The following KIAA1549 variants were observed in gnomAD, a reference collection of about 807,000 sequenced individuals.
The protein encoded by KIAA1549 is KIAA1549, also known as UPF0606 protein KIAA1549.
A neutral mutation model predicts 156.4 loss-of-function variants in KIAA1549; 70 were observed. The observed-to-expected ratio is 0.45, with a 90% CI of 0.37 to 0.55. The LOEUF is 0.55. Among genes scored for constraint, KIAA1549 ranks in the 20% least tolerant of loss-of-function variants. The pLI, the probability that KIAA1549 is intolerant of heterozygous loss-of-function variation, is 0.00. For synonymous variants in KIAA1549, 1,103 were observed against 1,066.4 expected (o/e 1.03, Z -0.67); for missense variants, 2,428 against 2,540.9 (o/e 0.96, Z 0.96).
intron 16 of KIAA1549, among the ~76,000 whole-genome samples, chr7:138,856,589 T>C (rs1342527658): frequency 6.6e-6 from 1 of 152,198 alleles, no homozygotes; most frequent in African/African-American, 2.4e-5. Flanking sequence ...TACCTAATTA[T>C]GTCTCCACCT....
intron 15 of KIAA1549, among the ~76,000 whole-genome samples, chr7:138,867,382 C>G (rs1334244145): frequency 6.6e-6 from 1 of 151,868 alleles, no homozygotes; most frequent in African/African-American, 2.4e-5. Flanking sequence ...TGCTGAGACC[C>G]CATCTCTACA....
At position 138,918,487 on chromosome 7, in the gene KIAA1549, T is replaced by C; in HGVS notation, c.1139A>G (p.Asn380Ser). 6.2e-7 allele frequency: 1 copy of C among 1,613,956 alleles called. No homozygotes were observed. The highest frequency in any genetic ancestry group is 1.3e-5 in the African/African-American group (1 of 75,044). ...GCTGGAGTCGCTAGGGAGAAAGGGGTTAGATGAAACATCAGTTGGTGAAGC... is the reference window on the plus strand; with the variant it reads ...GCTGGAGTCGCTAGGGAGAAAGGGGCTAGATGAAACATCAGTTGGTGAAGC... ...SSASPTDVSS[N>S]PFLPSDSSKT... The change falls in exon 2 of 20, where the codon AAC becomes AGC. Residue 380 changes from asparagine (N) to serine (S), a missense_variant. Physicochemically the swap from Asn to Ser is conservative, Grantham distance 46. Coordinates refer to ENST00000422774, the MANE Select transcript of KIAA1549 (RefSeq NM_001164665.2). The surrounding 1 kb of genome is among the most constrained non-coding windows in gnomAD (Gnocchi z 4.2).
At chr7:138,901,803 C>T (rs1412222694) in intron 8 of KIAA1549, among the ~76,000 whole-genome samples, 5 of 152,198 alleles carry the variant, frequency 3.3e-5, no homozygotes, top group Non-Finnish European at 7.3e-5. Flanking sequence ...TAACACTGTA[C>T]ACAAATCCTT....
At position 138,861,231 on chromosome 7, in the gene KIAA1549, G is replaced by A; in HGVS notation, c.5155C>T (p.Pro1719Ser). 6.2e-7 allele frequency: 1 copy of A among 1,613,154 alleles called. No individual in the cohort carries two copies. Among genetic ancestry groups the A allele is most frequent in the Non-Finnish European group, 8.5e-7 (1 of 1,179,742 alleles). The change falls in exon 16 of 20, where the codon CCC becomes TCC. Residue 1719 changes from proline (P) to serine (S), a missense_variant. By Grantham distance (74) the Pro-to-Ser change is moderately conservative. Transcript: ENST00000422774. ...GVGPGVPPGL[P>S]ANSTPSQEER... ...TCCTGGGAAGGGGTGCTGTTTGCGG[G>A]CAGGCCGGGTGGGACTCCGGGGCCT...
chr7:138,887,776 A>G (rs1811439673), intron 10 of KIAA1549, among the ~76,000 whole-genome samples: 1 of 152,232 alleles, frequency 6.6e-6, no homozygotes, highest in African/African-American at 2.4e-5. Flanking sequence ...CTCTTAAAGA[A>G]CTGAGAGAGA....
rs35756099 is a variant in KIAA1549 at position 138,872,360 on chromosome 7, G to GAA, written c.4346-1000_4346-999dup. Among the ~76,000 whole-genome samples the GAA allele has an allele frequency of 5.4e-4, 56 of 104,106 alleles. 1 individual carries two copies. The highest frequency in any genetic ancestry group is 1.1e-3 in the African/African-American group (34 of 30,050). 68.3% of individuals were successfully genotyped at this position (104,106 alleles called of 152,430 possible). A position where few individuals can be genotyped will look rare whatever the true frequency, so the allele number is the denominator to read the frequency against. On this transcript the variant is annotated intron_variant, in intron 12 of 19. Transcript: ENST00000422774. The stretch of plus-strand genomic sequence containing the variant: ...TTTCTTAAAAACTAATCAGAACTGT[G>GAA]AAAAAAAAAAAAAAGAAATTCAAAT...
intron 12 of KIAA1549, among the ~76,000 whole-genome samples, chr7:138,877,598 T>TA (rs1195143381): frequency 6.6e-6 from 1 of 152,256 alleles, no homozygotes; most frequent in Non-Finnish European, 1.5e-5. Flanking sequence ...ATAAAATACC[T>TA]ACACAGCAGC....
rs369377418 is a variant in KIAA1549, at chr7:138,898,128, G to A, written c.3847+827C>T. 2.1e-4 allele frequency among the ~76,000 whole-genome samples: 32 copies of A among 151,546 alleles called. No individual in the cohort carries two copies. The East Asian group carries it at 4.9e-3, about 23-fold the overall frequency. ...TCGAGACCATCCGGGCCAACATGGTGAAACCCCGTCTCCACTAATAATACA... is the reference window on the plus strand; with the variant it reads ...TCGAGACCATCCGGGCCAACATGGTAAAACCCCGTCTCCACTAATAATACA... On this transcript the variant is annotated intron_variant, in intron 9 of 19. Coordinates refer to ENST00000422774, the MANE Select transcript of KIAA1549 (RefSeq NM_001164665.2).
intron 7 of KIAA1549, 63 bp from the exon 8 acceptor site, chr7:138,903,799 G>A (rs1811913733): frequency 1.5e-4 from 5 of 33,506 alleles, no homozygotes; most frequent in African/African-American, 2.3e-3. Context: ...AACAGTGTGT[G>A]TGTGTGTGTG....
At chr7:138,953,672 C>A (rs1344587267) in intron 1 of KIAA1549, among the ~76,000 whole-genome samples, 1 of 152,154 alleles carries the variant, frequency 6.6e-6, no homozygotes, top group East Asian at 1.9e-4. Flanking sequence ...TATTCCCAAG[C>A]AGAGACTCGA....
At chr7:138,964,056 T>C (rs1021258836) in intron 1 of KIAA1549, among the ~76,000 whole-genome samples, 3 of 152,202 alleles carry the variant, frequency 2.0e-5, no homozygotes, top group Non-Finnish European at 4.4e-5. Flanking sequence ...TAAAGTAAAA[T>C]GCACCACCAC....
At chr7:138,887,451 G>A (rs528556371) in intron 10 of KIAA1549, among the ~76,000 whole-genome samples, 1 of 152,212 alleles carries the variant, frequency 6.6e-6, no homozygotes, top group Admixed American at 6.5e-5. Context: ...AGTTTTCTAG[G>A]AGCAGGCAGC....
chr7:138,940,268 G>A (rs1470763237), intron 1 of KIAA1549, among the ~76,000 whole-genome samples: 3 of 134,944 alleles, frequency 2.2e-5, no homozygotes, highest in African/African-American at 1.0e-4. Context: ...TGTGGTGTTT[G>A]GTTTTTTGTC....
At position 138,871,314 on chromosome 7, in the gene KIAA1549, A is replaced by G. The variant is rs1187540707; in HGVS notation, c.4394T>C (p.Ile1465Thr). Residue 1465 changes from isoleucine to threonine, a missense_variant, in exon 13 of 20, where the codon ATC becomes ACC. By Grantham distance (89) the Ile-to-Thr change is moderately conservative. Transcript: ENST00000422774. ...SGNEQHSSASIFEHVDRISRP... is the reference protein window; with the variant it reads ...SGNEQHSSASTFEHVDRISRP... ...GGAGATCCTGTCCACGTGCTCGAAG[A>G]TGGAGGCTGATGAGTGCTGCTCATT... The G allele has an allele frequency of 1.2e-6, 2 of 1,600,400 alleles. No individual in the cohort carries two copies. Among genetic ancestry groups the G allele is most frequent in the Non-Finnish European group, 1.7e-6 (2 of 1,173,180 alleles).
At chr7:138,936,715 G>C (rs1267788838) in intron 1 of KIAA1549, among the ~76,000 whole-genome samples, 1 of 151,912 alleles carries the variant, frequency 6.6e-6, no homozygotes. Flanking sequence ...TAGAGAACTA[G>C]AGATGTGTGA....
chr7:138,858,937 T>C (rs1332288260), intron 16 of KIAA1549, among the ~76,000 whole-genome samples: 1 of 148,194 alleles, frequency 6.7e-6, no homozygotes, highest in Admixed American at 6.8e-5. Context: ...ACCCGGGAGG[T>C]GGAGCTTGCA....
chr7:138,872,842 T>A (rs1810978545), intron 12 of KIAA1549, among the ~76,000 whole-genome samples: 1 of 152,066 alleles, frequency 6.6e-6, no homozygotes, highest in Non-Finnish European at 1.5e-5. Context: ...AGGTAGAGGG[T>A]GCAGTGAGCC....
chr7:138,838,469 C>T (rs980064452), intron 19 of KIAA1549, among the ~76,000 whole-genome samples: 1 of 152,106 alleles, frequency 6.6e-6, no homozygotes, highest in African/African-American at 2.4e-5. Flanking sequence ...GGACTGGAGC[C>T]TACGCAACCA....
In KIAA1549 at chr7:138,836,345, G is replaced by T. The variant is rs1809707091; in HGVS notation, c.*1561C>A. 5 of 210,202 alleles carry T rather than the reference G, an allele frequency of 2.4e-5. No homozygotes were observed. The highest frequency in any genetic ancestry group is 5.9e-5 in the Admixed American group (1 of 16,950). 13.0% of individuals were successfully genotyped at this position (210,202 alleles called of 1,614,324 possible). ...CATGCTGTACAGGTTTGTAGCCTAAGAGGAATAGGCCATGCCACACAGCCC... is the reference window on the plus strand; with the variant it reads ...CATGCTGTACAGGTTTGTAGCCTAATAGGAATAGGCCATGCCACACAGCCC... On this transcript the variant is annotated 3_prime_UTR_variant, in exon 20 of 20. Coordinates refer to ENST00000422774, the MANE Select transcript of KIAA1549 (RefSeq NM_001164665.2).
Sources: gnomAD v4.1 joint callset for allele counts (sites outside exome capture counted in the v4.1 genomes callset) on GRCh38, gnomAD v4.1.1 for gene constraint, Gnocchi (gnomAD v3.1) non-coding constraint, MANE v1.5 for transcripts, NCBI Gene and HGNC (gene_info 2026-07-23, HGNC 2026-07-21) for gene names.